The following TCF7L1 variants were observed in gnomAD, a reference collection of about 807,000 sequenced individuals.
TCF7L1 encodes transcription factor 7-like 1.
In TCF7L1, 18 loss-of-function variants were observed where a neutral mutation model predicts 63.7. That is an observed-to-expected ratio of 0.28 (90% confidence interval 0.20 to 0.42). TCF7L1 has a LOEUF of 0.42. TCF7L1 is among the 10% of genes least tolerant of loss of function. TCF7L1 has a pLI of 1.00. For missense variants in TCF7L1, 654 were observed against 779.3 expected, an observed-to-expected ratio of 0.84 and a Z score of 1.91; for synonymous variants, 355 against 340.9, an observed-to-expected ratio of 1.04 and a Z score of -0.46.
At chr2:85,253,979 C>A (rs1324897308) in intron 3 of TCF7L1, among the ~76,000 whole-genome samples, 2 of 152,200 alleles carry the variant, frequency 1.3e-5, no homozygotes, top group Non-Finnish European at 2.9e-5. Flanking sequence ...TGAGTGGGAG[C>A]CCTTGGGTCT....
chr2:85,141,862 T>C (rs1677747441), intron 3 of TCF7L1, among the ~76,000 whole-genome samples: 1 of 152,158 alleles, frequency 6.6e-6, no homozygotes, highest in Admixed American at 6.5e-5. Flanking sequence ...ATAGTGTGCA[T>C]TGGAGGACCA....
chr2:85,144,370 CA>C (rs1305042325), intron 3 of TCF7L1, among the ~76,000 whole-genome samples: 1 of 138,770 alleles, frequency 7.2e-6, no homozygotes, highest in African/African-American at 2.7e-5. Context: ...AGCCTGAGCT[CA>C]GGAGTTCGAG....
At chr2:85,196,931 C>T (rs1679169497) in intron 3 of TCF7L1, among the ~76,000 whole-genome samples, 1 of 152,120 alleles carries the variant, frequency 6.6e-6, no homozygotes, top group Admixed American at 6.6e-5. Flanking sequence ...GAGCAAGCCT[C>T]TTCCTCAGCC....
chr2:85,255,289 G>A (rs1389775608), intron 3 of TCF7L1, among the ~76,000 whole-genome samples: 1 of 152,160 alleles, frequency 6.6e-6, no homozygotes, highest in Non-Finnish European at 1.5e-5. Context: ...TAATACAAAT[G>A]CAGGGGCTGA....
intron 3 of TCF7L1, among the ~76,000 whole-genome samples, chr2:85,136,282 T>C (rs1365477538): frequency 6.6e-6 from 1 of 152,212 alleles, no homozygotes; most frequent in Non-Finnish European, 1.5e-5. Flanking sequence ...CAGGCTCTGC[T>C]GTCTGCTCTC....
intron 3 of TCF7L1, among the ~76,000 whole-genome samples, chr2:85,173,082 C>T (rs534573224): frequency 1.3e-5 from 2 of 152,204 alleles, no homozygotes; most frequent in Non-Finnish European, 2.9e-5. Flanking sequence ...CGAAATTTCC[C>T]GCCTTTGCCC....
At position 85,134,158 on chromosome 2, in the gene TCF7L1, C is replaced by T. The variant is rs1302210306; in HGVS notation, c.313+79C>T. The T allele has an allele frequency of 1.3e-6, 2 of 1,563,500 alleles. No individual in the cohort carries two copies. Among genetic ancestry groups the T allele is most frequent in the African/African-American group, 1.4e-5 (1 of 72,914 alleles). ...CTCAGCCCGGGCGGCCCACCGTCCC[C>T]CTTGCTTGGGTGGACGCACCCTTGC... On this transcript the variant is annotated intron_variant, in intron 2 of 11. Transcript: ENST00000282111. The surrounding 1 kb of genome is among the most constrained non-coding windows in gnomAD (Gnocchi z 5.0).
In TCF7L1 at chr2:85,306,010, G is replaced by A. The variant is rs534606883; in HGVS notation, c.990-196G>A. ...AGAGTAGATTTTCAAAGAATCTGGC[G>A]TGGAGATCGTTCAAAGGTGGGAAAC... On this transcript the variant is annotated intron_variant, in intron 8 of 11. Coordinates refer to ENST00000282111, the MANE Select transcript of TCF7L1 (RefSeq NM_031283.3). This position sits in a 1 kb window ranked among gnomAD's most constrained non-coding sequence, Gnocchi z 4.3. Among the ~76,000 whole-genome samples, 12 of 152,284 alleles carry A rather than the reference G, an allele frequency of 7.9e-5. No homozygotes were observed. The South Asian group carries it at 8.3e-4, about 11-fold the overall frequency.
intron 3 of TCF7L1, among the ~76,000 whole-genome samples, chr2:85,233,316 ATTTTT>A (rs11345481): frequency 7.4e-6 from 1 of 134,542 alleles, no homozygotes; most frequent in Non-Finnish European, 1.6e-5. Context: ...AAATTCAGAG[ATTTTT>A]TTTTTTTTTT....
At chr2:85,252,837 G>A (rs762350951) in intron 3 of TCF7L1, among the ~76,000 whole-genome samples, 15 of 152,158 alleles carry the variant, frequency 9.9e-5, no homozygotes, top group Non-Finnish European at 1.2e-4. Context: ...AGCCCAGAAC[G>A]GCAGGCTGCA....
chr2:85,190,070 G>A lies in TCF7L1; in HGVS notation c.441+55620G>A, dbSNP rs541143038. ...TTTATCTTTGTGTACACCTCTTGGAGCCCCTGCTTAAGGGTAGAGACCTTG... is the reference window on the plus strand; with the variant it reads ...TTTATCTTTGTGTACACCTCTTGGAACCCCTGCTTAAGGGTAGAGACCTTG... On this transcript the variant is annotated intron_variant, in intron 3 of 11. Transcript: ENST00000282111. Among the ~76,000 whole-genome samples the A allele has an allele frequency of 2.6e-5, 4 of 152,320 alleles. No homozygotes were observed. In the South Asian group the frequency reaches 8.3e-4, roughly 32 times the overall value.
rs531333977 is a variant in TCF7L1, at chr2:85,249,678, C to T, written c.442-33817C>T. ...CCTGGTACAAAGCCTCCATAAAACTCATTTGCTCTTGAGTCTTAGTTCTGG... is the reference window on the plus strand; with the variant it reads ...CCTGGTACAAAGCCTCCATAAAACTTATTTGCTCTTGAGTCTTAGTTCTGG... On this transcript the variant is annotated intron_variant, in intron 3 of 11. Coordinates refer to ENST00000282111, the MANE Select transcript of TCF7L1 (RefSeq NM_031283.3). 4.6e-5 allele frequency among the ~76,000 whole-genome samples: 7 copies of T among 152,292 alleles called. No homozygotes were observed. The East Asian group carries it at 1.4e-3, about 29-fold the overall frequency.
chr2:85,276,016 G>T (rs6745529), intron 3 of TCF7L1, among the ~76,000 whole-genome samples: 50,100 of 151,620 alleles, frequency 0.33, 10,013 homozygotes, highest in Non-Finnish European at 0.45. Context: ...ACAAAGTTAA[G>T]CAAAGGCATA....
chr2:85,209,461 C>T (rs1679494159), intron 3 of TCF7L1, among the ~76,000 whole-genome samples: 1 of 152,204 alleles, frequency 6.6e-6, no homozygotes, highest in Admixed American at 6.5e-5. Context: ...CTGTGGTCTG[C>T]CCGTTGCTTA....
At chr2:85,163,952 T>C (rs529585459) in intron 3 of TCF7L1, among the ~76,000 whole-genome samples, 1 of 152,230 alleles carries the variant, frequency 6.6e-6, no homozygotes, top group Admixed American at 6.5e-5. Flanking sequence ...ACATACATAG[T>C]ACACCCTGTC....
At chr2:85,237,847 G>T (rs376298154) in intron 3 of TCF7L1, among the ~76,000 whole-genome samples, 5 of 152,050 alleles carry the variant, frequency 3.3e-5, no homozygotes, top group African/African-American at 9.7e-5. Context: ...GAGGCCTAAA[G>T]CGGGGTTCGC....
intron 3 of TCF7L1, among the ~76,000 whole-genome samples, chr2:85,170,338 G>T (rs1376689183): frequency 6.6e-6 from 1 of 152,118 alleles, no homozygotes; most frequent in Non-Finnish European, 1.5e-5. Context: ...AGTCAATTTT[G>T]GAGGAGTAAA....
intron 3 of TCF7L1, among the ~76,000 whole-genome samples, chr2:85,178,789 C>G (rs1004801627): frequency 6.6e-6 from 1 of 152,134 alleles, no homozygotes; most frequent in African/African-American, 2.4e-5. Context: ...ACCACAGAGA[C>G]AAGACAGGCG....
At chr2:85,267,782 G>T (rs891599549) in intron 3 of TCF7L1, among the ~76,000 whole-genome samples, 2 of 152,118 alleles carry the variant, frequency 1.3e-5, no homozygotes, top group Non-Finnish European at 2.9e-5. Flanking sequence ...AGGCTGTGGG[G>T]GTTAAACGAA....
Sources: gnomAD v4.1 joint callset for allele counts (sites outside exome capture counted in the v4.1 genomes callset) on GRCh38, gnomAD v4.1.1 for gene constraint, Gnocchi (gnomAD v3.1) non-coding constraint, MANE v1.5 for transcripts, NCBI Gene and HGNC (gene_info 2026-07-23, HGNC 2026-07-21) for gene names.